FAXC: variants seen among roughly 807,000 people sequenced by gnomAD.
FAXC encodes failed axon connections homolog, metaxin like GST domain containing.
FAXC carries 10 observed loss-of-function variants against 41.9 expected under a neutral mutation model. The ratio of observed to expected loss-of-function variants is 0.24; its 90% CI spans 0.15 to 0.41. The LOEUF (loss-of-function observed/expected upper bound fraction) is 0.41, where lower values mean the gene tolerates loss of function less well. FAXC is among the 10% of genes least tolerant of loss of function. The pLI is 1.00. For missense variants in FAXC, 399 were observed against 510.9 expected, an observed-to-expected ratio of 0.78 and a Z score of 2.11; for synonymous variants, 183 against 183.8, an observed-to-expected ratio of 1.00 and a Z score of 0.03.
chr6:99,291,847 A>G (rs2128449917), intron 4 of FAXC, 27 bp from the exon 5 acceptor site: 1 of 1,552,316 alleles, frequency 6.4e-7, no homozygotes, highest in South Asian at 1.1e-5. Context: ...AGAGAAGTCA[A>G]TGGGCTGGCC....
rs1402165773 is a variant in FAXC, at chr6:99,278,700, T to A, written c.*2464A>T. ...CATATTCTAGGGCTCTAAATCAAAT[T>A]AACACCTACAAAATGTTGATGCCCA... On this transcript the variant is annotated 3_prime_UTR_variant, in exon 6 of 6. Transcript: ENST00000389677. The A allele has an allele frequency of 4.6e-5, 7 of 152,154 alleles. No homozygotes were observed. Among genetic ancestry groups the A allele is most frequent in the Admixed American group, 4.6e-4 (7 of 15,276 alleles). 9.4% of individuals were successfully genotyped at this position (152,154 alleles called of 1,614,324 possible). A position where few individuals can be genotyped will look rare whatever the true frequency, so the allele number is the denominator to read the frequency against.
At chr6:99,348,340 A>G (rs1186367218) in intron 1 of FAXC, among the ~76,000 whole-genome samples, 1 of 152,208 alleles carries the variant, frequency 6.6e-6, no homozygotes, top group East Asian at 1.9e-4. Context: ...ACTCTACCCA[A>G]ACAAAAATCT....
chr6:99,291,065 C>A (rs1412381857), intron 5 of FAXC, among the ~76,000 whole-genome samples: 4 of 152,172 alleles, frequency 2.6e-5, no homozygotes, highest in Non-Finnish European at 5.9e-5. Flanking sequence ...CCGCCTTGGC[C>A]TCCCAAAGTG....
chr6:99,292,818 C>CT (rs1039644869), intron 4 of FAXC, among the ~76,000 whole-genome samples: 3 of 152,064 alleles, frequency 2.0e-5, no homozygotes, highest in Non-Finnish European at 2.9e-5. Flanking sequence ...CTTCCTAAGA[C>CT]TTTTTTTTGA....
chr6:99,310,210 C>A (rs1212091209), intron 4 of FAXC, among the ~76,000 whole-genome samples: 1 of 152,212 alleles, frequency 6.6e-6, no homozygotes, highest in Non-Finnish European at 1.5e-5. Flanking sequence ...CAAAGGTAAC[C>A]TTTCTGGCAA....
intron 4 of FAXC, among the ~76,000 whole-genome samples, chr6:99,299,008 G>C (rs1771600402): frequency 6.6e-6 from 1 of 152,022 alleles, no homozygotes; most frequent in African/African-American, 2.4e-5. Context: ...TCCTTATACT[G>C]AAACAAAATG....
intron 4 of FAXC, among the ~76,000 whole-genome samples, chr6:99,315,874 C>A (rs1021290438): frequency 6.6e-6 from 1 of 152,170 alleles, no homozygotes. Context: ...ACAACTGAAA[C>A]TGTATTTTTC....
Position 99,276,664 on chromosome 6 carries a change from AATG to A in FAXC, c.*4497_*4499del, listed in dbSNP as rs1770637422. 6.6e-6 allele frequency: 1 copy of A among 152,222 alleles called. No homozygotes were observed. The highest frequency in any genetic ancestry group is 2.1e-4 in the South Asian group (1 of 4,826). 9.4% of individuals were successfully genotyped at this position (152,222 alleles called of 1,614,324 possible). On this transcript the variant is annotated 3_prime_UTR_variant, in exon 6 of 6. Coordinates refer to ENST00000389677, the MANE Select transcript of FAXC (RefSeq NM_032511.4). Reference sequence around the variant, plus strand: ...CTGTGTTAAAAACAAGAACAAACACAATGATAACATTTAAAGACTCTTGGGAAC... The same window carrying A: ...CTGTGTTAAAAACAAGAACAAACACAATAACATTTAAAGACTCTTGGGAAC...
At chr6:99,301,357 G>C (rs1325401615) in intron 4 of FAXC, among the ~76,000 whole-genome samples, 3 of 152,186 alleles carry the variant, frequency 2.0e-5, no homozygotes, top group Non-Finnish European at 4.4e-5. Flanking sequence ...TCTACCGAAT[G>C]TGCTTGTCTC....
intron 4 of FAXC, among the ~76,000 whole-genome samples, chr6:99,310,316 G>A (rs1772106650): frequency 6.6e-6 from 1 of 152,230 alleles, no homozygotes; most frequent in South Asian, 2.1e-4. Context: ...CCAAGGCACA[G>A]TGCCCTCACG....
At chr6:99,343,085 G>A (rs765550224) in intron 1 of FAXC, 52 bp from the exon 2 acceptor site, 64 of 1,526,454 alleles carry the variant, frequency 4.2e-5, no homozygotes, top group South Asian at 7.8e-5. Flanking sequence ...ATCCACATTC[G>A]GTTCCCTTAT....
chr6:99,328,420 C>T (rs1318467073), intron 3 of FAXC, among the ~76,000 whole-genome samples: 1 of 152,200 alleles, frequency 6.6e-6, no homozygotes, highest in Non-Finnish European at 1.5e-5. Context: ...AGTCAGGAAG[C>T]TGGCCCTCGC....
intron 5 of FAXC, among the ~76,000 whole-genome samples, chr6:99,283,070 T>A (rs970560745): frequency 6.6e-6 from 1 of 152,238 alleles, no homozygotes; most frequent in Admixed American, 6.5e-5. Flanking sequence ...TTTGTCTTTA[T>A]GAATCCCCTA....
intron 4 of FAXC, among the ~76,000 whole-genome samples, chr6:99,319,125 C>G (rs567322656): frequency 2.9e-4 from 44 of 152,278 alleles, no homozygotes; most frequent in Non-Finnish European, 5.6e-4. Context: ...CGGCCGGGCG[C>G]GGTGGCTCAC....
chr6:99,281,178 C>T lies in FAXC; in HGVS notation c.1216G>A (p.Glu406Lys), dbSNP rs747179017. 7 of 1,439,678 alleles carry T rather than the reference C, an allele frequency of 4.9e-6. No homozygotes were observed. Among genetic ancestry groups the T allele is most frequent in the South Asian group, 1.1e-5 (1 of 87,458 alleles). 89.2% of individuals were successfully genotyped at this position (1,439,678 alleles called of 1,614,324 possible). A position where few individuals can be genotyped will look rare whatever the true frequency, so the allele number is the denominator to read the frequency against. Residue 406 changes from glutamate to lysine, a missense_variant, in exon 6 of 6, where the codon GAA becomes AAA. Physicochemically the swap from Glu to Lys is moderately conservative, Grantham distance 56. Transcript: ENST00000389677. ...GAGGCTGGACGTCACTTGCACTGTT[C>T]GTGGTCTGTATAGTCATCCATGTCC... Reference protein sequence around the residue: ...DVDMDDYTDHEQCK With the variant: ...DVDMDDYTDHKQCK
intron 4 of FAXC, among the ~76,000 whole-genome samples, chr6:99,311,545 A>G (rs1253727821): frequency 6.6e-6 from 1 of 152,220 alleles, no homozygotes; most frequent in East Asian, 1.9e-4. Flanking sequence ...ACTGCACTCT[A>G]GCCTGGGCAA....
At chr6:99,302,174 G>A (rs1189790983) in intron 4 of FAXC, among the ~76,000 whole-genome samples, 3 of 152,166 alleles carry the variant, frequency 2.0e-5, no homozygotes, top group Non-Finnish European at 4.4e-5. Flanking sequence ...ACTGGCTCAT[G>A]GCCAAAGATA....
At chr6:99,330,088 G>A (rs1227794661) in intron 3 of FAXC, among the ~76,000 whole-genome samples, 1 of 151,726 alleles carries the variant, frequency 6.6e-6, no homozygotes, top group Non-Finnish European at 1.5e-5. Context: ...TCGAACTCCT[G>A]GGCTCAAGCA....
intron 3 of FAXC, among the ~76,000 whole-genome samples, chr6:99,325,110 T>C (rs1018807760): frequency 4.0e-5 from 6 of 151,506 alleles, no homozygotes; most frequent in Non-Finnish European, 8.8e-5. Flanking sequence ...GTTTGTTTTT[T>C]TTTTTAAATC....
Sources: gnomAD v4.1 joint callset for allele counts (sites outside exome capture counted in the v4.1 genomes callset) on GRCh38, gnomAD v4.1.1 for gene constraint, MANE v1.5 for transcripts, NCBI Gene and HGNC (gene_info 2026-07-23, HGNC 2026-07-21) for gene names.